RSRC1: variants seen among roughly 807,000 people sequenced by gnomAD.
RSRC1 encodes the protein arginine and serine rich coiled-coil 1.
In RSRC1, 39 loss-of-function variants were observed where a neutral mutation model predicts 49.1. That is an observed-to-expected ratio of 0.79 (90% CI 0.61 to 1.04). The LOEUF is 1.04. Ranked by LOEUF, RSRC1 falls within the 50% of genes least tolerant of loss-of-function variation. The pLI is 0.00. For synonymous variants in RSRC1, 143 were observed against 130.8 expected (o/e 1.09, Z -0.63); for missense variants, 388 against 402.4 (o/e 0.96, Z 0.31).
intron 3 of RSRC1, among the ~76,000 whole-genome samples, chr3:158,201,329 A>G (rs1291873438): frequency 3.3e-5 from 5 of 152,058 alleles, no homozygotes; most frequent in African/African-American, 7.2e-5. Flanking sequence ...TAGTATTTCT[A>G]ATCATGGTCT....
At chr3:158,403,354 T>C (rs1440217123) in intron 6 of RSRC1, among the ~76,000 whole-genome samples, 3 of 151,848 alleles carry the variant, frequency 2.0e-5, no homozygotes, top group African/African-American at 7.2e-5. Context: ...AGTGTCTTAC[T>C]TTCTTTTTTA....
chr3:158,530,268 T>C (rs1298724493), intron 7 of RSRC1, among the ~76,000 whole-genome samples: 3 of 151,892 alleles, frequency 2.0e-5, no homozygotes, highest in Non-Finnish European at 4.4e-5. Flanking sequence ...TACCATTTCT[T>C]AAGTGCTTTT....
chr3:158,215,274 A>T (rs557170531), intron 4 of RSRC1, among the ~76,000 whole-genome samples: 1 of 148,114 alleles, frequency 6.8e-6, no homozygotes, highest in African/African-American at 2.5e-5. Context: ...ATTATATTTG[A>T]GATGAGTTTC....
rs564300256 is a variant in RSRC1, at chr3:158,200,210, T to C, written c.321-2862T>C. On this transcript the variant is annotated intron_variant, in intron 3 of 9. Transcript: ENST00000611884. The stretch of plus-strand genomic sequence containing the variant: ...CCGCCACCATGCCCAGCTAATTTTT[T>C]GTATTTTTTAGTAGAGACAGGGTTT... Among the ~76,000 whole-genome samples the C allele has an allele frequency of 1.8e-4, 27 of 152,250 alleles. No individual in the cohort carries two copies. In the South Asian group the frequency reaches 5.2e-3, roughly 29 times the overall value.
rs188034525 is a variant in RSRC1, at chr3:158,254,011, C to T, written c.495-44028C>T. ...ATTCCCAACTGTAAGTGAGAACGTG[C>T]AGTGTTTGGTTTTCTGTCCTTGTGT... On this transcript the variant is annotated intron_variant, in intron 4 of 9. Coordinates refer to ENST00000611884, the MANE Select transcript of RSRC1 (RefSeq NM_001271838.2). Among the ~76,000 whole-genome samples, 27 of 152,224 alleles carry T rather than the reference C, an allele frequency of 1.8e-4. No individual in the cohort carries two copies. The East Asian group carries it at 2.9e-3, about 16-fold the overall frequency.
intron 6 of RSRC1, among the ~76,000 whole-genome samples, chr3:158,454,249 T>C (rs1247115526): frequency 6.6e-6 from 1 of 152,128 alleles, no homozygotes; most frequent in Non-Finnish European, 1.5e-5. Flanking sequence ...CCTAACTCTA[T>C]GACCTTGAAA....
At chr3:158,456,421 T>C (rs1252972311) in intron 6 of RSRC1, among the ~76,000 whole-genome samples, 2 of 151,916 alleles carry the variant, frequency 1.3e-5, no homozygotes, top group Admixed American at 6.6e-5. Flanking sequence ...CCTGGGAGAC[T>C]AGAAAATGTA....
At chr3:158,400,083 T>G (rs1277196234) in intron 6 of RSRC1, among the ~76,000 whole-genome samples, 3 of 152,144 alleles carry the variant, frequency 2.0e-5, no homozygotes, top group African/African-American at 7.2e-5. Flanking sequence ...AGAGGTATAC[T>G]GTAGAGTTAC....
At chr3:158,433,375 C>T (rs1019014045) in intron 6 of RSRC1, among the ~76,000 whole-genome samples, 2 of 151,850 alleles carry the variant, frequency 1.3e-5, no homozygotes, top group African/African-American at 2.4e-5. Flanking sequence ...AAAGGTCTCC[C>T]CAAGTAAGTT....
In RSRC1 at chr3:158,119,960, A is replaced by G. The variant is rs557502372; in HGVS notation, c.-2-2143A>G. On this transcript the variant is annotated intron_variant, in intron 1 of 9. Coordinates refer to ENST00000611884, the MANE Select transcript of RSRC1 (RefSeq NM_001271838.2). ...ATTCTCCTGTCTCAGACTACTGAGT[A>G]GCTGAGACTACAGGCGCATGCCACC... is the stretch of plus-strand genomic sequence containing the variant. Among the ~76,000 whole-genome samples, 20 of 151,410 alleles carry G rather than the reference A, an allele frequency of 1.3e-4. No homozygotes were observed. In the East Asian group the frequency reaches 3.9e-3, roughly 30 times the overall value.
At chr3:158,356,891 G>A (rs2108243166) in intron 6 of RSRC1, among the ~76,000 whole-genome samples, 2 of 152,154 alleles carry the variant, frequency 1.3e-5, no homozygotes, top group African/African-American at 4.8e-5. Context: ...AAATAGATGT[G>A]ATACTCCAGA....
At chr3:158,224,483 C>T (rs573318733) in intron 4 of RSRC1, among the ~76,000 whole-genome samples, 59 of 151,822 alleles carry the variant, frequency 3.9e-4, no homozygotes, top group African/African-American at 1.4e-3. Flanking sequence ...TTTGTACTAA[C>T]GGTAGCACTT....
chr3:158,348,824 A>C (rs1730707703), intron 5 of RSRC1, among the ~76,000 whole-genome samples: 1 of 152,144 alleles, frequency 6.6e-6, no homozygotes, highest in African/African-American at 2.4e-5. Context: ...TTCACTTATA[A>C]CTGAGAACAT....
At chr3:158,206,070 G>C (rs1721329768) in intron 4 of RSRC1, among the ~76,000 whole-genome samples, 1 of 152,142 alleles carries the variant, frequency 6.6e-6, no homozygotes, top group African/African-American at 2.4e-5. Flanking sequence ...ATAAAAATGG[G>C]TGTCTGGCTG....
chr3:158,453,241 TTTC>T (rs1433896175), intron 6 of RSRC1, among the ~76,000 whole-genome samples: 1 of 151,698 alleles, frequency 6.6e-6, no homozygotes, highest in African/African-American at 2.4e-5. Flanking sequence ...GTGCACACAT[TTTC>T]AAACTCTTGT....
At chr3:158,297,707 CAAT>C (rs1727314589) in intron 4 of RSRC1, among the ~76,000 whole-genome samples, 1 of 138,610 alleles carries the variant, frequency 7.2e-6, no homozygotes, top group South Asian at 2.2e-4. Flanking sequence ...TGGAAATAAA[CAAT>C]AATATAATAA....
At chr3:158,377,302 T>A (rs1034177405) in intron 6 of RSRC1, among the ~76,000 whole-genome samples, 1 of 152,186 alleles carries the variant, frequency 6.6e-6, no homozygotes, top group Admixed American at 6.5e-5. Context: ...ATAATTGATA[T>A]TGTTTGGATG....
At chr3:158,230,269 GT>G in intron 4 of RSRC1, among the ~76,000 whole-genome samples, 1 of 151,990 alleles carries the variant, frequency 6.6e-6, no homozygotes, top group Admixed American at 6.6e-5. Flanking sequence ...ATCATGTCCT[GT>G]TTAGTACATC....
intron 5 of RSRC1, among the ~76,000 whole-genome samples, chr3:158,344,206 C>T (rs1730421174): frequency 6.6e-6 from 1 of 152,142 alleles, no homozygotes; most frequent in South Asian, 2.1e-4. Context: ...TTGTGGTGAG[C>T]TGAGATAGTG....
Sources: allele counts gnomAD v4.1 joint callset (sites outside exome capture counted in the v4.1 genomes callset), GRCh38; gene constraint gnomAD v4.1.1; transcripts MANE v1.5; gene names NCBI Gene and HGNC (gene_info 2026-07-23, HGNC 2026-07-21).